The following PLAG1 variants were observed in gnomAD, a reference collection of about 807,000 sequenced individuals.
PLAG1 encodes PLAG1 zinc finger.
Under a neutral mutation model 35.5 loss-of-function variants are expected in PLAG1, and 7 were observed. The observed-to-expected ratio is 0.20, with a 90% CI of 0.11 to 0.37. PLAG1 has a LOEUF of 0.37. Among genes scored for constraint, PLAG1 ranks in the 10% least tolerant of loss-of-function variants. The pLI is 1.00. For missense variants in PLAG1, 454 were observed against 602.8 expected (o/e 0.75, Z 2.58); for synonymous variants, 229 against 225.4 (o/e 1.02, Z -0.14).
intron 1 of PLAG1, among the ~76,000 whole-genome samples, chr8:56,187,273 G>A (rs966281796): frequency 6.6e-6 from 1 of 152,168 alleles, no homozygotes; most frequent in Non-Finnish European, 1.5e-5. Context: ...AGGCAGTATA[G>A]TTCTGGAAAT....
chr8:56,186,682 T>TAA (rs34806294), intron 1 of PLAG1, among the ~76,000 whole-genome samples: 10 of 138,632 alleles, frequency 7.2e-5, no homozygotes, highest in African/African-American at 1.6e-4. Flanking sequence ...TGGTTAGCAT[T>TAA]AAAAAAAAAA....
At chr8:56,192,840 G>GA (rs1812227659) in intron 1 of PLAG1, among the ~76,000 whole-genome samples, 1 of 152,060 alleles carries the variant, frequency 6.6e-6, no homozygotes, top group Non-Finnish European at 1.5e-5. Context: ...ATACAACAGG[G>GA]ATGCAATCCG....
intron 1 of PLAG1, among the ~76,000 whole-genome samples, chr8:56,185,795 G>A (rs904672486): frequency 2.6e-5 from 4 of 152,238 alleles, no homozygotes; most frequent in African/African-American, 9.6e-5. Flanking sequence ...AATAGTTCTG[G>A]GATACGTTCC....
chr8:56,198,428 T>C (rs903349984), intron 1 of PLAG1, among the ~76,000 whole-genome samples: 2 of 152,144 alleles, frequency 1.3e-5, no homozygotes, highest in Admixed American at 6.5e-5. Flanking sequence ...CCAGGTCCTA[T>C]AGCCATGTGC....
At chr8:56,182,169 G>A (rs187474759) in intron 1 of PLAG1, among the ~76,000 whole-genome samples, 18 of 152,346 alleles carry the variant, frequency 1.2e-4, no homozygotes, top group African/African-American at 3.1e-4. Flanking sequence ...GAGGTAGGAC[G>A]GGAGAGGGAG....
chr8:56,205,190 T>C (rs1366089953), intron 1 of PLAG1, among the ~76,000 whole-genome samples: 2 of 151,920 alleles, frequency 1.3e-5, no homozygotes, highest in Non-Finnish European at 3.0e-5. Flanking sequence ...TTTTAAAATT[T>C]ATTTCATTAA....
Position 56,166,186 on chromosome 8 carries a change from G to T in PLAG1, c.*57C>A. The T allele has an allele frequency of 8.1e-7, 1 of 1,230,052 alleles. No individual in the cohort carries two copies. The highest frequency in any genetic ancestry group is 1.1e-6 in the Non-Finnish European group (1 of 887,426). 76.2% of individuals were successfully genotyped at this position (1,230,052 alleles called of 1,614,324 possible). A position where few individuals can be genotyped will look rare whatever the true frequency, so the allele number is the denominator to read the frequency against. The stretch of plus-strand genomic sequence containing the variant: ...TTAAAGTAGGCACTAAAATAAAAAT[G>T]GTCATCTAGGGCACAGCTACACATA... On this transcript the variant is annotated 3_prime_UTR_variant, in exon 5 of 5. Coordinates refer to ENST00000316981, the MANE Select transcript of PLAG1 (RefSeq NM_002655.3).
At position 56,166,190 on chromosome 8, in the gene PLAG1, A is replaced by G; in HGVS notation, c.*53T>C. On this transcript the variant is annotated 3_prime_UTR_variant, in exon 5 of 5. Transcript: ENST00000316981. ...AGTAGGCACTAAAATAAAAATGGTC[A>G]TCTAGGGCACAGCTACACATACATT... The G allele has an allele frequency of 7.6e-7, 1 of 1,323,064 alleles. No homozygotes were observed. The highest frequency in any genetic ancestry group is 2.3e-5 in the East Asian group (1 of 43,088). The allele number at this position is 1,323,064 out of a possible 1,614,324, so 82.0% of individuals were successfully genotyped here.
At chr8:56,206,370 T>G (rs1178669335) in intron 1 of PLAG1, among the ~76,000 whole-genome samples, 2 of 152,088 alleles carry the variant, frequency 1.3e-5, no homozygotes, top group Non-Finnish European at 2.9e-5. Flanking sequence ...TTATAAAATG[T>G]TATAATCTAA....
chr8:56,187,665 T>C (rs970079466), intron 1 of PLAG1, among the ~76,000 whole-genome samples: 5 of 152,214 alleles, frequency 3.3e-5, no homozygotes, highest in Non-Finnish European at 5.9e-5. Context: ...GGTTTGTTTT[T>C]TTTGGGCACA....
At chr8:56,179,077 T>C (rs1189358662) in intron 2 of PLAG1, among the ~76,000 whole-genome samples, 2 of 133,860 alleles carry the variant, frequency 1.5e-5, no homozygotes, top group African/African-American at 5.4e-5. Flanking sequence ...GGATACTGTA[T>C]CACTGTGCAA....
At chr8:56,186,013 G>A (rs944775622) in intron 1 of PLAG1, among the ~76,000 whole-genome samples, 2 of 151,370 alleles carry the variant, frequency 1.3e-5, no homozygotes, top group Admixed American at 6.6e-5. Context: ...GCATGGGCAG[G>A]TACTCCAGGT....
chr8:56,207,300 G>C (rs1812727829), intron 1 of PLAG1, among the ~76,000 whole-genome samples: 1 of 151,800 alleles, frequency 6.6e-6, no homozygotes, highest in Admixed American at 6.6e-5. Context: ...TTTAATTTAG[G>C]AAACAACAAA....
chr8:56,173,103 C>A (rs73594286), intron 2 of PLAG1, among the ~76,000 whole-genome samples: 2,433 of 152,088 alleles, frequency 0.016, 77 homozygotes, highest in African/African-American at 0.056. Flanking sequence ...TTCATAAAAT[C>A]TTTATTTATG....
At chr8:56,177,971 G>A in intron 2 of PLAG1, 2 of 927,200 alleles carry the variant, frequency 2.2e-6, no homozygotes, top group Non-Finnish European at 2.6e-6. Context: ...GCTACCCAGA[G>A]CCCGCCAAGC....
rs1302849242 is a variant in PLAG1 at position 56,165,054 on chromosome 8, G to A, written c.*1189C>T. On this transcript the variant is annotated 3_prime_UTR_variant, in exon 5 of 5. Transcript: ENST00000316981. ...GAATCAGAAAGATAACATCGGAGTA[G>A]GACTGTTGTTTTTGTTTTCTGCTTT... is the stretch of plus-strand genomic sequence containing the variant. 9.7e-6 allele frequency: 2 copies of A among 206,426 alleles called. No individual in the cohort carries two copies. Among genetic ancestry groups the A allele is most frequent in the African/African-American group, 4.6e-5 (2 of 43,826 alleles). The allele number at this position is 206,426 out of a possible 1,614,324, so 12.8% of individuals were successfully genotyped here.
chr8:56,192,920 G>A (rs1812230028), intron 1 of PLAG1, among the ~76,000 whole-genome samples: 1 of 151,852 alleles, frequency 6.6e-6, no homozygotes, highest in Non-Finnish European at 1.5e-5. Context: ...CAAAAAACCC[G>A]TTTCTTTAAC....
At chr8:56,196,019 A>G (rs1370027399) in intron 1 of PLAG1, among the ~76,000 whole-genome samples, 1 of 152,194 alleles carries the variant, frequency 6.6e-6, no homozygotes, top group African/African-American at 2.4e-5. Context: ...CACTGCTATA[A>G]CATGGGCACC....
intron 1 of PLAG1, among the ~76,000 whole-genome samples, chr8:56,196,715 C>T (rs760406546): frequency 1.1e-4 from 16 of 152,236 alleles, no homozygotes; most frequent in Admixed American, 2.0e-4. Context: ...GGTGTGCTGT[C>T]CTTCACCTGG....
Sources: gnomAD v4.1 joint callset for allele counts (sites outside exome capture counted in the v4.1 genomes callset) on GRCh38, gnomAD v4.1.1 for gene constraint, MANE v1.5 for transcripts, NCBI Gene and HGNC (gene_info 2026-07-23, HGNC 2026-07-21) for gene names.